The following VRK2 variants were observed in gnomAD, a reference collection of about 807,000 sequenced individuals.
The protein encoded by VRK2 is VRK serine/threonine kinase 2, also known as serine/threonine-protein kinase VRK2.
VRK2 carries 60 observed loss-of-function variants against 57.6 expected under a neutral mutation model. The ratio of observed to expected loss-of-function variants is 1.04; its 90% CI spans 0.85 to 1.29. The LOEUF is 1.29. Ranked by LOEUF, VRK2 falls within the 50% of genes most tolerant of loss-of-function variation. VRK2 has a pLI of 0.00. For missense variants in VRK2, 705 were observed against 588.1 expected, an observed-to-expected ratio of 1.20 and a Z score of -2.06; for synonymous variants, 231 against 199.2, an observed-to-expected ratio of 1.16 and a Z score of -1.35.
chr2:58,106,917 A>T (rs955805228), intron 7 of VRK2, among the ~76,000 whole-genome samples: 4 of 152,064 alleles, frequency 2.6e-5, no homozygotes, highest in African/African-American at 9.7e-5. Flanking sequence ...CACTAGTATC[A>T]TTTGTAGGGT....
At chr2:57,925,666 A>AT (rs1291089299) in intron 1 of VRK2, among the ~76,000 whole-genome samples, 3 of 147,274 alleles carry the variant, frequency 2.0e-5, no homozygotes, top group Non-Finnish European at 1.5e-5. Context: ...GATCTTTTGA[A>AT]TTTTTTTCAT....
At chr2:58,107,664 A>C (rs2056610) in intron 7 of VRK2, among the ~76,000 whole-genome samples, 146,790 of 152,234 alleles carry the variant, frequency 0.96, 70,804 homozygotes, top group East Asian at 1. Flanking sequence ...TCTTCATAAG[A>C]GACCTCATTT....
intron 11 of VRK2, among the ~76,000 whole-genome samples, chr2:58,145,237 T>C (rs1681938452): frequency 6.6e-6 from 1 of 151,962 alleles, no homozygotes; most frequent in African/African-American, 2.4e-5. Context: ...CCCCCAGATA[T>C]CATCATGGTG....
At chr2:58,003,006 T>C (rs986900179) in intron 1 of VRK2, among the ~76,000 whole-genome samples, 1 of 152,232 alleles carries the variant, frequency 6.6e-6, no homozygotes, top group African/African-American at 2.4e-5. Context: ...TAAAATTAGT[T>C]AATGATTCTA....
intron 1 of VRK2, among the ~76,000 whole-genome samples, chr2:57,963,538 T>C (rs1018129361): frequency 6.6e-6 from 1 of 152,236 alleles, no homozygotes; most frequent in Non-Finnish European, 1.5e-5. Flanking sequence ...AAAAAAATTC[T>C]TGACACATTA....
intron 12 of VRK2, among the ~76,000 whole-genome samples, chr2:58,151,734 T>TTG: frequency 1.3e-5 from 1 of 76,740 alleles, no homozygotes; most frequent in African/African-American, 5.9e-5. Flanking sequence ...TATGCTTGTT[T>TTG]TTTTTTTTTT....
chr2:58,114,499 A>G (rs1417709288), intron 7 of VRK2, among the ~76,000 whole-genome samples: 1 of 152,230 alleles, frequency 6.6e-6, no homozygotes, highest in South Asian at 2.1e-4. Context: ...AGGAGCGTCT[A>G]TACAGGAGCT....
At chr2:57,968,162 A>G (rs978500153) in intron 1 of VRK2, among the ~76,000 whole-genome samples, 6 of 152,082 alleles carry the variant, frequency 3.9e-5, no homozygotes, top group African/African-American at 1.4e-4. Context: ...AACTGCAAAA[A>G]AATTAAATTA....
At chr2:58,116,074 A>G (rs1676423467) in intron 7 of VRK2, among the ~76,000 whole-genome samples, 1 of 152,174 alleles carries the variant, frequency 6.6e-6, no homozygotes, top group Non-Finnish European at 1.5e-5. Flanking sequence ...GGGGAATGGT[A>G]AGGAGAGTTT....
chr2:58,058,627 T>G lies in VRK2; in HGVS notation c.136+9660T>G, dbSNP rs1397573836. 4.2e-5 allele frequency: 9 copies of G among 214,156 alleles called. No individual in the cohort carries two copies. The Admixed American group carries it at 4.9e-4, about 12-fold the overall frequency. 13.3% of individuals were successfully genotyped at this position (214,156 alleles called of 1,614,324 possible). A position where few individuals can be genotyped will look rare whatever the true frequency, so the allele number is the denominator to read the frequency against. ...TAAAGAGTAGTAGATGTGTCAGATG[T>G]GTCTGTAGTATCTGATAAATGCTGG... is the stretch of plus-strand genomic sequence containing the variant. On this transcript the variant is annotated intron_variant, in intron 2 of 12. Transcript: ENST00000340157.
chr2:58,149,751 GTTTTGAGATC>G (rs1387078253), intron 12 of VRK2, among the ~76,000 whole-genome samples: 1 of 151,600 alleles, frequency 6.6e-6, no homozygotes, highest in Non-Finnish European at 1.5e-5. Flanking sequence ...ATTAAATACT[GTTTTGAGATC>G]TTTTGAGATG....
intron 7 of VRK2, among the ~76,000 whole-genome samples, chr2:58,090,420 A>AG (rs1358548588): frequency 2.6e-4 from 40 of 152,078 alleles, no homozygotes; most frequent in African/African-American, 8.0e-4. Flanking sequence ...AAAAAAAAAA[A>AG]AGTTTTAAGC....
At chr2:58,007,819 T>G (rs1170736309) in intron 1 of VRK2, among the ~76,000 whole-genome samples, 1 of 152,060 alleles carries the variant, frequency 6.6e-6, no homozygotes, top group Non-Finnish European at 1.5e-5. Context: ...TTTTAAAAAA[T>G]CACTAAAGAC....
intron 7 of VRK2, among the ~76,000 whole-genome samples, chr2:58,112,484 T>TA (rs1235057237): frequency 1.3e-5 from 2 of 152,066 alleles, no homozygotes; most frequent in African/African-American, 4.8e-5. Flanking sequence ...ACTCTCAGTG[T>TA]GACCTAATTG....
At chr2:57,917,511 A>T (rs911648441) in intron 1 of VRK2, among the ~76,000 whole-genome samples, 2 of 149,994 alleles carry the variant, frequency 1.3e-5, no homozygotes, top group Non-Finnish European at 3.0e-5. Flanking sequence ...TTTATTGTAT[A>T]TGTGTATTTT....
intron 1 of VRK2, among the ~76,000 whole-genome samples, chr2:58,002,055 C>T (rs973460923): frequency 4.6e-5 from 7 of 152,082 alleles, no homozygotes; most frequent in African/African-American, 1.7e-4. Flanking sequence ...AAACCTAGAA[C>T]ATGGTAGCAA....
chr2:58,066,800 A>G lies in VRK2; in HGVS notation c.137-17289A>G, dbSNP rs192783229. ...TCTGGTTATTTGTTTTAGGTAACTT[A>G]GTAGTTCATGGTTTTTAAGGAATTG... On this transcript the variant is annotated intron_variant, in intron 2 of 12. Coordinates refer to ENST00000340157, the MANE Select transcript of VRK2 (RefSeq NM_006296.7). Among the ~76,000 whole-genome samples the G allele has an allele frequency of 3.0e-4, 46 of 152,272 alleles. 1 individual carries two copies. In the East Asian group the frequency reaches 8.5e-3, roughly 28 times the overall value.
chr2:58,068,811 G>T (rs1269004969), intron 2 of VRK2, among the ~76,000 whole-genome samples: 5 of 129,718 alleles, frequency 3.9e-5, no homozygotes, highest in East Asian at 4.6e-4. Context: ...ACCCCCTCAG[G>T]AAAAAAAAAA....
At position 58,086,237 on chromosome 2, in the gene VRK2, C is replaced by T. The variant is rs181479944; in HGVS notation, c.257-102C>T. 3.5e-4 allele frequency: 335 copies of T among 969,744 alleles called. 3 individuals are homozygous for T. In the East Asian group the frequency reaches 8.2e-3, roughly 24 times the overall value. The allele number at this position is 969,744 out of a possible 1,614,324, so 60.1% of individuals were successfully genotyped here. ...AAAAAAAATTATCTTCTAGGAAGATCTAATTACTTTTTTGGTTAGCTAAAT... is the reference window on the plus strand; with the variant it reads ...AAAAAAAATTATCTTCTAGGAAGATTTAATTACTTTTTTGGTTAGCTAAAT... On this transcript the variant is annotated intron_variant, in intron 4 of 12. Transcript: ENST00000340157.
Sources: allele counts gnomAD v4.1 joint callset (sites outside exome capture counted in the v4.1 genomes callset), GRCh38; gene constraint gnomAD v4.1.1; transcripts MANE v1.5; gene names NCBI Gene and HGNC (gene_info 2026-07-23, HGNC 2026-07-21).